Variants in IL1RAPL1 observed in about 807,000 individuals in gnomAD.
IL1RAPL1 encodes interleukin 1 receptor accessory protein like 1.
A neutral mutation model predicts 48.4 loss-of-function variants in IL1RAPL1; 3 were observed. The ratio of observed to expected loss-of-function variants is 0.06; its 90% CI spans 0.03 to 0.16. The LOEUF (loss-of-function observed/expected upper bound fraction) is 0.16. Among genes scored for constraint, IL1RAPL1 ranks in the 10% least tolerant of loss-of-function variants. The pLI, the probability that IL1RAPL1 is intolerant of heterozygous loss-of-function variation, is 1.00. For synonymous variants in IL1RAPL1, 185 were observed against 187.7 expected (o/e 0.99, Z 0.12); for missense variants, 349 against 530.6 (o/e 0.66, Z 3.36).
At chrX:29,423,276 C>A (rs902246913) in intron 5 of IL1RAPL1, among the ~76,000 whole-genome samples, 3 of 112,029 alleles carry the variant, frequency 2.7e-5, no homozygotes, top group Non-Finnish European at 3.8e-5. Context: ...CCTTTCTGGA[C>A]CAAACCAAAG....
intron 5 of IL1RAPL1, among the ~76,000 whole-genome samples, chrX:29,446,957 A>G (rs1170986193): frequency 1.8e-5 from 2 of 111,757 alleles, no homozygotes; most frequent in African/African-American, 3.2e-5. Flanking sequence ...TTAATTATAT[A>G]TAGTTTAAAA....
At chrX:28,714,500 G>T (rs1935480128) in intron 1 of IL1RAPL1, among the ~76,000 whole-genome samples, 1 of 111,792 alleles carries the variant, frequency 8.9e-6, no homozygotes, top group South Asian at 3.7e-4. Flanking sequence ...TCTTTATAAT[G>T]ATATATCATA....
chrX:28,791,608 A>G (rs1010634425), intron 2 of IL1RAPL1, among the ~76,000 whole-genome samples: 5 of 112,052 alleles, frequency 4.5e-5, no homozygotes, highest in East Asian at 5.6e-4. Context: ...TGTGTTTTCT[A>G]TATTATAATG....
At chrX:28,802,606 A>T (rs1936688925) in intron 2 of IL1RAPL1, among the ~76,000 whole-genome samples, 1 of 112,474 alleles carries the variant, frequency 8.9e-6, no homozygotes, top group Non-Finnish European at 1.9e-5. Context: ...CTTAATGCAT[A>T]TTCCACTTAT....
intron 1 of IL1RAPL1, among the ~76,000 whole-genome samples, chrX:28,757,365 G>C (rs1936117033): frequency 8.9e-6 from 1 of 112,520 alleles, no homozygotes; most frequent in South Asian, 3.6e-4. Flanking sequence ...TGTTCTTAAA[G>C]GTTTGTTAGT....
At chrX:29,712,834 T>A (rs1002643202) in intron 6 of IL1RAPL1, among the ~76,000 whole-genome samples, 1 of 112,200 alleles carries the variant, frequency 8.9e-6, no homozygotes, top group African/African-American at 3.2e-5. Flanking sequence ...GAAAATGGAT[T>A]GAAGGGCTAG....
intron 9 of IL1RAPL1, among the ~76,000 whole-genome samples, 200 bp from the exon 10 acceptor site, chrX:29,954,322 C>A (rs1161127871): frequency 1.0e-5 from 1 of 98,883 alleles, no homozygotes; most frequent in Non-Finnish European, 2.0e-5. Flanking sequence ...TTCACAACAA[C>A]AAATCAAAAT....
intron 3 of IL1RAPL1, among the ~76,000 whole-genome samples, chrX:29,319,440 G>T (rs1479569413): frequency 1.1e-5 from 1 of 88,088 alleles, no homozygotes; most frequent in African/African-American, 4.4e-5. Flanking sequence ...CTGGGCTTAA[G>T]CAATCCTCCT....
chrX:29,643,665 C>A lies in IL1RAPL1; in HGVS notation c.704-24765C>A, dbSNP rs148004187. 3.9e-3 allele frequency among the ~76,000 whole-genome samples: 433 copies of A among 111,605 alleles called. 2 individuals are homozygous for A. The highest frequency in any genetic ancestry group is 7.6e-3 in the South Asian group (20 of 2,622). The stretch of plus-strand genomic sequence containing the variant: ...ATGGTTGTGGAGATGCCTATTTGAT[C>A]GTATTTCTCAAGGAGACTCTGATCC... On this transcript the variant is annotated intron_variant, in intron 5 of 10. Transcript: ENST00000378993.
chrX:28,881,359 C>T (rs145497369), intron 2 of IL1RAPL1, among the ~76,000 whole-genome samples: 86 of 111,924 alleles, frequency 7.7e-4, no homozygotes, highest in African/African-American at 2.7e-3. Context: ...TTGGCCTCAA[C>T]GTCTTATCAT....
At chrX:29,706,411 AC>A (rs1250876473) in intron 6 of IL1RAPL1, among the ~76,000 whole-genome samples, 1 of 111,918 alleles carries the variant, frequency 8.9e-6, no homozygotes, top group East Asian at 2.8e-4. Flanking sequence ...AGTCTCTTCC[AC>A]CTATGAGCCT....
chrX:29,542,963 C>T (rs1302294436), intron 5 of IL1RAPL1, among the ~76,000 whole-genome samples: 1 of 111,656 alleles, frequency 9.0e-6, no homozygotes, highest in African/African-American at 3.3e-5. Context: ...CTGGGAATGA[C>T]TTAGGGTAAA....
intron 3 of IL1RAPL1, among the ~76,000 whole-genome samples, chrX:29,372,773 C>CTTTTTT (rs1160543169): frequency 3.9e-4 from 25 of 63,486 alleles, no homozygotes; most frequent in South Asian, 8.4e-4. Context: ...GTCTATGTGT[C>CTTTTTT]TTTTTTTTTT....
chrX:29,336,747 G>A (rs1432739343), intron 3 of IL1RAPL1, among the ~76,000 whole-genome samples: 1 of 111,478 alleles, frequency 9.0e-6, no homozygotes, highest in Non-Finnish European at 1.9e-5. Flanking sequence ...ATTGAGGGGG[G>A]AAATCCAGTG....
At chrX:29,762,552 G>T (rs1238817803) in intron 6 of IL1RAPL1, among the ~76,000 whole-genome samples, 1 of 111,548 alleles carries the variant, frequency 9.0e-6, no homozygotes, top group Non-Finnish European at 1.9e-5. Context: ...GAGGGAGAGA[G>T]GGAGAAAGAG....
intron 2 of IL1RAPL1, among the ~76,000 whole-genome samples, chrX:29,130,673 T>C (rs965622866): frequency 8.9e-6 from 1 of 112,012 alleles, no homozygotes; most frequent in Admixed American, 9.5e-5. Context: ...AAATTTACAG[T>C]TAAATTTGGT....
intron 6 of IL1RAPL1, among the ~76,000 whole-genome samples, chrX:29,686,504 T>A (rs1926620811): frequency 9.2e-6 from 1 of 108,616 alleles, no homozygotes; most frequent in Admixed American, 1.0e-4. Flanking sequence ...CTAGTTTCCT[T>A]GATCCCCTGC....
At chrX:29,696,317 A>G (rs1926911328) in intron 6 of IL1RAPL1, among the ~76,000 whole-genome samples, 2 of 111,583 alleles carry the variant, frequency 1.8e-5, no homozygotes, top group South Asian at 3.7e-4. Context: ...AACTTTACCC[A>G]AAAAGAGAAT....
intron 9 of IL1RAPL1, among the ~76,000 whole-genome samples, chrX:29,954,131 G>T (rs925140073): frequency 3.8e-5 from 4 of 105,702 alleles, no homozygotes; most frequent in African/African-American, 1.4e-4. Flanking sequence ...AGCTACTCGG[G>T]AGGTTGAGGC....
Sources: allele counts gnomAD v4.1 joint callset (sites outside exome capture counted in the v4.1 genomes callset), GRCh38; gene constraint gnomAD v4.1.1; transcripts MANE v1.5; gene names NCBI Gene and HGNC (gene_info 2026-07-23, HGNC 2026-07-21).